CCND2: variants seen among roughly 807,000 people sequenced by gnomAD.
The protein encoded by CCND2 is G1/S-specific cyclin-D2.
CCND2 carries 6 observed loss-of-function variants against 30.2 expected under a neutral mutation model. That is an observed-to-expected ratio of 0.20 (90% CI 0.11 to 0.39). The LOEUF (loss-of-function observed/expected upper bound fraction) is 0.39. CCND2 is among the 10% of genes least tolerant of loss of function. The probability of loss-of-function intolerance (pLI) is 1.00; values close to 1 mark genes in which losing one functional copy is unlikely to be tolerated. For synonymous variants in CCND2, 150 were observed against 153.1 expected (o/e 0.98, Z 0.15); for missense variants, 235 against 373.4 (o/e 0.63, Z 3.06).
rs1304375625 is a variant in CCND2 at position 4,282,822 on chromosome 12, T to G, written c.571+3903T>G. ...CCTGCCCCACAAGGACAGGGTATGC[T>G]GGTCCTCTTATGGGGGTGGCAGATG... On this transcript the variant is annotated intron_variant, in intron 3 of 4. Coordinates refer to ENST00000261254, the MANE Select transcript of CCND2 (RefSeq NM_001759.4). This position sits in a 1 kb window ranked among gnomAD's most constrained non-coding sequence, Gnocchi z 4.3. Among the ~76,000 whole-genome samples, 1 of 152,242 alleles carries G rather than the reference T, an allele frequency of 6.6e-6. No individual in the cohort carries two copies. The highest frequency in any genetic ancestry group is 1.5e-5 in the Non-Finnish European group (1 of 68,028).
Position 4,274,005 on chromosome 12 carries a change from G to A in CCND2, c.-36G>A, listed in dbSNP as rs3217787. 7.5e-6 allele frequency: 12 copies of A among 1,592,504 alleles called. No homozygotes were observed. The Admixed American group carries it at 1.8e-4, about 23-fold the overall frequency. ...AACAGAAAAACCTTTTTCCAGGCCG[G>A]GGAAAGCAGGAGGGAGAGGGGCCGC... On this transcript the variant is annotated 5_prime_UTR_variant, in exon 1 of 5. Coordinates refer to ENST00000261254, the MANE Select transcript of CCND2 (RefSeq NM_001759.4). The surrounding 1 kb of genome is among the most constrained non-coding windows in gnomAD (Gnocchi z 7.7).
At chr12:4,294,734 G>A (rs1465006886) in intron 4 of CCND2, among the ~76,000 whole-genome samples, 3 of 152,220 alleles carry the variant, frequency 2.0e-5, no homozygotes, top group Non-Finnish European at 4.4e-5. Context: ...GCTGGGAAAC[G>A]AGGGCATTTG....
rs1261984704 is a variant in CCND2, at chr12:4,300,001, G to A, written c.862G>A (p.Asp288Asn). 8 of 1,613,350 alleles carry A rather than the reference G, an allele frequency of 5.0e-6. No individual in the cohort carries two copies. The highest frequency in any genetic ancestry group is 1.3e-5 in the African/African-American group (1 of 74,860). Reference protein sequence around the residue: ...ASTPTDVRDIDL With the variant: ...ASTPTDVRDINL The stretch of plus-strand genomic sequence containing the variant: ...CACCCCTACAGACGTGCGGGATATC[G>A]ACCTGTGAGGATGCCAGTTGGGCCG... The change falls in exon 5 of 5, where the codon GAC becomes AAC. Residue 288 changes from aspartate to asparagine, a missense_variant. Coordinates refer to ENST00000261254, the MANE Select transcript of CCND2 (RefSeq NM_001759.4).
At chr12:4,290,754 T>C (rs981425068) in intron 4 of CCND2, among the ~76,000 whole-genome samples, 20 of 152,188 alleles carry the variant, frequency 1.3e-4, no homozygotes, top group African/African-American at 4.3e-4. Flanking sequence ...TGCTGCTGAG[T>C]CTCTTGGCTT....
rs774917088 is a variant in CCND2, at chr12:4,300,244, G to A, written c.*235G>A. On this transcript the variant is annotated 3_prime_UTR_variant, in exon 5 of 5. Coordinates refer to ENST00000261254, the MANE Select transcript of CCND2 (RefSeq NM_001759.4). ...GCATAAGGGAATCCCTTGTATATGC[G>A]AACAGTTATTGTTTGATTATGTAAA... is the stretch of plus-strand genomic sequence containing the variant. 8 of 445,754 alleles carry A rather than the reference G, an allele frequency of 1.8e-5. No homozygotes were observed. The East Asian group carries it at 2.0e-4, about 11-fold the overall frequency. 27.6% of individuals were successfully genotyped at this position (445,754 alleles called of 1,614,324 possible).
rs1218951517 is a variant in CCND2, at chr12:4,287,729, A to G, written c.572-1113A>G. ...TGATGGGTAAATTAAACAGGACGTA[A>G]TGTGTAGCGTACTGCATGTGGTGGT... On this transcript the variant is annotated intron_variant, in intron 3 of 4. Transcript: ENST00000261254. The surrounding 1 kb of genome is among the most constrained non-coding windows in gnomAD (Gnocchi z 4.0). Among the ~76,000 whole-genome samples, 1 of 152,156 alleles carries G rather than the reference A, an allele frequency of 6.6e-6. No individual in the cohort carries two copies. Among genetic ancestry groups the G allele is most frequent in the Non-Finnish European group, 1.5e-5 (1 of 68,036 alleles).
Position 4,293,904 on chromosome 12 carries a change from G to A in CCND2, c.720+4914G>A, listed in dbSNP as rs572179165. On this transcript the variant is annotated intron_variant, in intron 4 of 4. Transcript: ENST00000261254. The surrounding 1 kb of genome is among the most constrained non-coding windows in gnomAD (Gnocchi z 4.9). ...GGGGGTGGGGAGGTGGAATAGAATC[G>A]GGGGCTGATGCCTCCCTCTCCTGCC... Among the ~76,000 whole-genome samples the A allele has an allele frequency of 3.9e-5, 6 of 152,282 alleles. No homozygotes were observed. The South Asian group carries it at 6.2e-4, about 16-fold the overall frequency.
Position 4,287,238 on chromosome 12 carries a change from GA to G in CCND2, c.572-1603del, listed in dbSNP as rs1410682547. The stretch of plus-strand genomic sequence containing the variant: ...CAGGTTTGCTCTGCGTTCATGATGG[GA>G]GGGGAGGGCTGTGCTTGGCTCAGGG... On this transcript the variant is annotated intron_variant, in intron 3 of 4. Coordinates refer to ENST00000261254, the MANE Select transcript of CCND2 (RefSeq NM_001759.4). This position sits in a 1 kb window ranked among gnomAD's most constrained non-coding sequence, Gnocchi z 4.0. Among the ~76,000 whole-genome samples the G allele has an allele frequency of 1.3e-5, 2 of 152,182 alleles. No homozygotes were observed. The highest frequency in any genetic ancestry group is 2.4e-5 in the African/African-American group (1 of 41,428).
Position 4,274,092 on chromosome 12 carries a change from C to G in CCND2, c.52C>G (p.Arg18Gly), listed in dbSNP as rs535993641. The G allele has an allele frequency of 1.5e-5, 25 of 1,613,636 alleles. No individual in the cohort carries two copies. Among genetic ancestry groups the G allele is most frequent in the Admixed American group, 3.3e-5 (2 of 59,984 alleles). Reference sequence around the variant, plus strand: ...CCCGGTCCGCAGGGCCGTGCGGGACCGCAACCTGCTCCGAGACGACCGCGT... The same window carrying G: ...CCCGGTCCGCAGGGCCGTGCGGGACGGCAACCTGCTCCGAGACGACCGCGT... ...VDPVRRAVRDRNLLRDDRVLQ... is the reference protein window; with the variant it reads ...VDPVRRAVRDGNLLRDDRVLQ... Residue 18 changes from arginine to glycine, a missense_variant, in exon 1 of 5, where the codon CGC becomes GGC. Transcript: ENST00000261254. The surrounding 1 kb of genome is among the most constrained non-coding windows in gnomAD (Gnocchi z 7.7).
intron 2 of CCND2, among the ~76,000 whole-genome samples, chr12:4,277,019 C>T (rs780356161): frequency 1.3e-5 from 2 of 152,254 alleles, no homozygotes. Context: ...GCCCCTCCCC[C>T]TCCTCACTGG....
Position 4,276,649 on chromosome 12 carries a change from G to A in CCND2, c.411+429G>A, listed in dbSNP as rs1863878231. On this transcript the variant is annotated intron_variant, in intron 2 of 4. Coordinates refer to ENST00000261254, the MANE Select transcript of CCND2 (RefSeq NM_001759.4). This position sits in a 1 kb window ranked among gnomAD's most constrained non-coding sequence, Gnocchi z 4.8. ...GTCTCCTAAAAACTTGGAGTTCAAA[G>A]GTAATGCCCTCTATATCTACAAAGT... Among the ~76,000 whole-genome samples, 1 of 152,178 alleles carries A rather than the reference G, an allele frequency of 6.6e-6. No homozygotes were observed.
intron 2 of CCND2, among the ~76,000 whole-genome samples, chr12:4,277,666 T>G (rs1341630177): frequency 6.6e-6 from 1 of 152,204 alleles, no homozygotes; most frequent in African/African-American, 2.4e-5. Flanking sequence ...ATTTTACAAA[T>G]GAGAAGGCTG....
In CCND2 at chr12:4,300,070, G is replaced by T. The variant is rs1864227643; in HGVS notation, c.*61G>T. Reference sequence around the variant, plus strand: ...ATAATCTGGTCTCTTCTTCTTTCTGGTTGTTTTTGTTCTTTGTGTTTTAGG... The same window carrying T: ...ATAATCTGGTCTCTTCTTCTTTCTGTTTGTTTTTGTTCTTTGTGTTTTAGG... On this transcript the variant is annotated 3_prime_UTR_variant, in exon 5 of 5. Transcript: ENST00000261254. 1.3e-6 allele frequency: 2 copies of T among 1,488,608 alleles called. No homozygotes were observed. Among genetic ancestry groups the T allele is most frequent in the African/African-American group, 2.8e-5 (2 of 71,804 alleles). The allele number at this position is 1,488,608 out of a possible 1,614,324, so 92.2% of individuals were successfully genotyped here.
At chr12:4,275,818 T>C (rs1863864714) in intron 1 of CCND2, among the ~76,000 whole-genome samples, 187 bp from the exon 2 acceptor site, 1 of 151,910 alleles carries the variant, frequency 6.6e-6, no homozygotes, top group South Asian at 2.1e-4. Context: ...GATGGGCTAT[T>C]CTGATTCACT....
intron 2 of CCND2, among the ~76,000 whole-genome samples, chr12:4,277,098 C>T (rs1429522814): frequency 6.6e-6 from 1 of 152,218 alleles, no homozygotes; most frequent in Non-Finnish European, 1.5e-5. Flanking sequence ...AGGAGCCTTC[C>T]TTTCTGGGGC....
In CCND2 at chr12:4,282,263, C is replaced by A. The variant is rs1863959024; in HGVS notation, c.571+3344C>A. Among the ~76,000 whole-genome samples, 1 of 152,102 alleles carries A rather than the reference C, an allele frequency of 6.6e-6. No individual in the cohort carries two copies. Among genetic ancestry groups the A allele is most frequent in the Admixed American group, 6.5e-5 (1 of 15,280 alleles). On this transcript the variant is annotated intron_variant, in intron 3 of 4. Transcript: ENST00000261254. This position sits in a 1 kb window ranked among gnomAD's most constrained non-coding sequence, Gnocchi z 4.3. ...TGCTCACCCTCCCTCTCCAGGCACC[C>A]ACATCCCCTCTTTCTTCACTAGAAG...
intron 4 of CCND2, among the ~76,000 whole-genome samples, chr12:4,296,418 C>CG (rs1428915561): frequency 6.6e-6 from 1 of 152,238 alleles, no homozygotes; most frequent in Non-Finnish European, 1.5e-5. Context: ...CTGTGCCATG[C>CG]GAAACCCTCT....
intron 3 of CCND2, among the ~76,000 whole-genome samples, chr12:4,279,990 G>A (rs1462615964): frequency 6.6e-6 from 1 of 151,440 alleles, no homozygotes; most frequent in East Asian, 2.0e-4. Context: ...ACGATGTAGT[G>A]CATATGCCCT....
intron 3 of CCND2, among the ~76,000 whole-genome samples, chr12:4,286,031 C>T (rs1366960555): frequency 1.3e-5 from 2 of 152,150 alleles, no homozygotes; most frequent in Non-Finnish European, 2.9e-5. Flanking sequence ...TGTAAGGCAC[C>T]TGGGAGGTTA....
Sources: gnomAD v4.1 joint callset for allele counts (sites outside exome capture counted in the v4.1 genomes callset) on GRCh38, gnomAD v4.1.1 for gene constraint, Gnocchi (gnomAD v3.1) non-coding constraint, MANE v1.5 for transcripts, NCBI Gene and HGNC (gene_info 2026-07-23, HGNC 2026-07-21) for gene names.